The following NLRC5 variants were observed in gnomAD, a reference collection of about 807,000 sequenced individuals.
NLRC5 encodes the protein protein NLRC5.
NLRC5 carries 114 observed loss-of-function variants against 206.9 expected under a neutral mutation model. The ratio of observed to expected loss-of-function variants is 0.55; its 90% CI spans 0.47 to 0.64. The LOEUF is 0.64. Ranked by LOEUF, NLRC5 falls within the 30% of genes least tolerant of loss-of-function variation. The pLI, the probability that NLRC5 is intolerant of heterozygous loss-of-function variation, is 0.00. For synonymous variants in NLRC5, 952 were observed against 962.8 expected (o/e 0.99, Z 0.21); for missense variants, 2,008 against 2,305.5 (o/e 0.87, Z 2.64).
Position 56,989,969 on chromosome 16 carries a change from A to G in NLRC5, c.-128+352A>G, listed in dbSNP as rs530634771. 4.0e-4 allele frequency among the ~76,000 whole-genome samples: 61 copies of G among 152,302 alleles called. No homozygotes were observed. The South Asian group carries it at 0.012, about 30-fold the overall frequency. ...GATCCACCCACTCTCTCTGTCTTTT[A>G]CTTTGCAACTTTTCATTGATTTTAA... On this transcript the variant is annotated intron_variant, in intron 1 of 48. Coordinates refer to ENST00000688547, the MANE Select transcript of NLRC5 (RefSeq NM_001384950.1).
chr16:57,054,355 C>T (rs1400729772), intron 24 of NLRC5, among the ~76,000 whole-genome samples: 1 of 152,150 alleles, frequency 6.6e-6, no homozygotes, highest in East Asian at 1.9e-4. Flanking sequence ...TCTCTGTGAG[C>T]AAGGACTCGC....
At chr16:57,080,928 C>T (rs2069055304) in intron 46 of NLRC5, 170 bp from the exon 47 acceptor site, 4 of 585,106 alleles carry the variant, frequency 6.8e-6, no homozygotes, top group Admixed American at 3.1e-5. Context: ...AGGAAGGTAA[C>T]CTGCACCCTG....
chr16:56,992,207 C>T (rs1344353834), intron 1 of NLRC5: 1 of 152,194 alleles, frequency 6.6e-6, no homozygotes, highest in Non-Finnish European at 1.5e-5. Flanking sequence ...CAGACTCTGA[C>T]CTCCAGAACT....
intron 37 of NLRC5, 93 bp from the exon 38 acceptor site, chr16:57,070,442 G>A (rs1351020975): frequency 6.2e-6 from 7 of 1,133,034 alleles, no homozygotes; most frequent in Non-Finnish European, 9.2e-6. Context: ...TGGCCTCCCA[G>A]GGGACAGAGC....
intron 3 of NLRC5, 123 bp from the exon 4 acceptor site, chr16:57,022,133 T>C (rs2060738792): frequency 1.5e-6 from 1 of 681,638 alleles, no homozygotes; most frequent in Non-Finnish European, 2.5e-6. Context: ...GAGTGTTCCA[T>C]TTAGTTCTCC....
intron 38 of NLRC5, 199 bp from the exon 39 acceptor site, chr16:57,074,401 G>T: frequency 1.8e-6 from 1 of 571,288 alleles, no homozygotes; most frequent in Non-Finnish European, 3.2e-6. Context: ...ACTGCTGCCT[G>T]CCTGACCTCA....
Position 57,026,606 on chromosome 16 carries a change from C to T in NLRC5, c.1663C>T (p.Leu555=). The part of the protein sequence containing the change: ...SRWVQRTKAR[L]GLSDHLPTFL... Reference sequence around the variant, plus strand: ...CTGGGTACAGCGGACCAAAGCTAGACTGGGCCTCTCAGACCACCTCCCCAC... The same window carrying T: ...CTGGGTACAGCGGACCAAAGCTAGATTGGGCCTCTCAGACCACCTCCCCAC... The change falls in exon 6 of 49, where the codon CTG becomes TTG. Residue 555 remains leucine (L), a synonymous_variant. Transcript: ENST00000688547. 1 of 1,614,238 alleles carries T rather than the reference C, an allele frequency of 6.2e-7. No individual in the cohort carries two copies. The highest frequency in any genetic ancestry group is 1.7e-5 in the Admixed American group (1 of 60,034).
chr16:57,033,755 A>G lies in NLRC5; in HGVS notation c.2543+86A>G, dbSNP rs2062159324. On this transcript the variant is annotated intron_variant, in intron 12 of 48. Transcript: ENST00000688547. The stretch of plus-strand genomic sequence containing the variant: ...AAGGGAGAGCAGGGGCAGGGAGGAT[A>G]AAGGGAAAAGCAGATGAGGGACAGG... 4 of 1,296,518 alleles carry G rather than the reference A, an allele frequency of 3.1e-6. No homozygotes were observed. The African/African-American group carries it at 5.8e-5, about 19-fold the overall frequency. The allele number at this position is 1,296,518 out of a possible 1,614,324, so 80.3% of individuals were successfully genotyped here.
rs775455389 is a variant in NLRC5, at chr16:57,022,290, C to T, written c.330C>T (p.Ser110=). ...GCCAGCTGGGAGCTGAGGGGAAAAG[C>T]CAACCTGAATCTCAGCTCCACCATG... ...FTSQLGAEGK[S]QPESQLHHGL... Residue 110 remains serine (S), a synonymous_variant, in exon 4 of 49, where the codon AGC becomes AGT. Coordinates refer to ENST00000688547, the MANE Select transcript of NLRC5 (RefSeq NM_001384950.1). 1.2e-6 allele frequency: 2 copies of T among 1,611,990 alleles called. No homozygotes were observed. The highest frequency in any genetic ancestry group is 1.7e-6 in the Non-Finnish European group (2 of 1,178,258).
intron 14 of NLRC5, among the ~76,000 whole-genome samples, chr16:57,036,770 C>T (rs981236157): frequency 1.3e-5 from 2 of 151,936 alleles, no homozygotes; most frequent in African/African-American, 4.8e-5. Context: ...AATCTTCGCT[C>T]TGTCACTTAG....
At chr16:57,051,936 CAAAT>C (rs2064971800) in intron 24 of NLRC5, among the ~76,000 whole-genome samples, 2 of 152,220 alleles carry the variant, frequency 1.3e-5, no homozygotes, top group African/African-American at 4.8e-5. Flanking sequence ...AGTTGGGACT[CAAAT>C]AAGTTATTCT....
At position 57,054,847 on chromosome 16, in the gene NLRC5, A is replaced by G; in HGVS notation, c.3596+7A>G. On this transcript the variant is annotated splice_region_variant and intron_variant, in intron 25 of 48. Transcript: ENST00000688547. ...TTAAAAAGGTGGATCTCAGGTGGGC[A>G]TTCCCCTGGGACAGCCAGGACTCGT... 1 of 1,613,648 alleles carries G rather than the reference A, an allele frequency of 6.2e-7. No individual in the cohort carries two copies. Among genetic ancestry groups the G allele is most frequent in the Non-Finnish European group, 8.5e-7 (1 of 1,179,486 alleles).
intron 1 of NLRC5, among the ~76,000 whole-genome samples, chr16:57,015,182 G>A (rs1027760776): frequency 3.3e-5 from 5 of 152,038 alleles, no homozygotes; most frequent in African/African-American, 9.7e-5. Flanking sequence ...ACCTACCTTG[G>A]CCTCCCAAAG....
At position 57,005,512 on chromosome 16, in the gene NLRC5, A is replaced by G. The variant is rs201733624; in HGVS notation, c.-127-11562A>G. 1.4e-3 allele frequency among the ~76,000 whole-genome samples: 206 copies of G among 144,914 alleles called. 2 individuals are homozygous for G. The East Asian group carries it at 0.032, about 22-fold the overall frequency. Reference sequence around the variant, plus strand: ...CATCTTAATATTAAAAAAAAAAAAAAGAGAAAGAAAAAAAGTGAACTTGGG... The same window carrying G: ...CATCTTAATATTAAAAAAAAAAAAAGGAGAAAGAAAAAAAGTGAACTTGGG... On this transcript the variant is annotated intron_variant, in intron 1 of 48. Transcript: ENST00000688547.
At chr16:57,067,256 A>G in intron 34 of NLRC5, 131 bp from the exon 35 acceptor site, 2 of 762,968 alleles carry the variant, frequency 2.6e-6, no homozygotes, top group African/African-American at 1.7e-5. Flanking sequence ...TCATAAGTGA[A>G]TAGCAAACTG....
chr16:57,026,990 G>T lies in NLRC5; in HGVS notation c.2047G>T (p.Val683Leu). Residue 683 changes from valine to leucine, a missense_variant, in exon 6 of 49, where the codon GTA (valine) becomes TTA (leucine). By Grantham distance (32) the Val-to-Leu change is conservative. Coordinates refer to ENST00000688547, the MANE Select transcript of NLRC5 (RefSeq NM_001384950.1). The stretch of plus-strand genomic sequence containing the variant: ...GGAGCCCCACTGCCCTGAGGCTCTG[G>T]TAGGCTGTGGGCAGATAGAGAATCT... The part of the protein sequence containing the change: ...PLEPHCPEAL[V>L]GCGQIENLSF... 3 of 1,614,104 alleles carry T rather than the reference G, an allele frequency of 1.9e-6. No homozygotes were observed.
At chr16:57,055,007 C>A in intron 25 of NLRC5, 25 bp from the exon 26 acceptor site, 2 of 1,614,116 alleles carry the variant, frequency 1.2e-6, no homozygotes, top group Non-Finnish European at 1.7e-6. Context: ...CCACAGCTGT[C>A]TGACCCAGGT....
rs765638664 is a variant in NLRC5, at chr16:57,077,749, G to A, written c.4950G>A (p.Gly1650=). ...DLSGNSISSA[G]GVQLAESLVL... ...CAGGGAATAGCATCAGCTCAGCCGG[G>A]GGAGTGCAGTTGGCAGAGTCTCTCG... The change falls in exon 42 of 49, where the codon GGG becomes GGA. Residue 1650 remains glycine (G), a synonymous_variant. Transcript: ENST00000688547. 2.5e-6 allele frequency: 4 copies of A among 1,603,724 alleles called. No individual in the cohort carries two copies. Among genetic ancestry groups the A allele is most frequent in the East Asian group, 4.5e-5 (2 of 44,690 alleles).
Position 57,080,760 on chromosome 16 carries a change from C to A in NLRC5, c.5322-338C>A, listed in dbSNP as rs534530883. The A allele has an allele frequency of 3.0e-5, 7 of 234,940 alleles. No homozygotes were observed. In the East Asian group the frequency reaches 8.3e-4, roughly 28 times the overall value. 14.6% of individuals were successfully genotyped at this position (234,940 alleles called of 1,614,324 possible). On this transcript the variant is annotated intron_variant, in intron 46 of 48. Transcript: ENST00000688547. ...GGGATTACAGGCGTGAGCAACCACG[C>A]CCAGCCAAGATTAATTTTTTAAAGT...
Sources: gnomAD v4.1 joint callset for allele counts (sites outside exome capture counted in the v4.1 genomes callset) on GRCh38, gnomAD v4.1.1 for gene constraint, MANE v1.5 for transcripts, NCBI Gene and HGNC (gene_info 2026-07-23, HGNC 2026-07-21) for gene names.